RP1: variants seen among roughly 807,000 people sequenced by gnomAD.
The protein encoded by RP1 is oxygen-regulated protein 1.
Under a neutral mutation model 14.8 loss-of-function variants are expected in RP1, and 16 were observed. The ratio of observed to expected loss-of-function variants is 1.08; its 90% confidence interval spans 0.73 to 1.65. The LOEUF (loss-of-function observed/expected upper bound fraction) is 1.65, where lower values mean the gene tolerates loss of function less well. Among genes scored for constraint, RP1 ranks in the 40% most tolerant of loss-of-function variants. The pLI, the probability that RP1 is intolerant of heterozygous loss-of-function variation, is 0.00. For synonymous variants in RP1, 876 were observed against 883.6 expected, an observed-to-expected ratio of 0.99 and a Z score of 0.15; for missense variants, 2,631 against 2,535.0, an observed-to-expected ratio of 1.04 and a Z score of -0.81.
chr8:54,686,128 A>C (rs1807558057), intron 12 of RP1, among the ~76,000 whole-genome samples: 1 of 152,340 alleles, frequency 6.6e-6, no homozygotes, highest in East Asian at 1.9e-4. Context: ...TAAAAAAGGC[A>C]GGTGGAGGAT....
chr8:54,848,946 T>G (rs899526586), intron 25 of RP1, among the ~76,000 whole-genome samples: 6 of 152,072 alleles, frequency 3.9e-5, no homozygotes, highest in African/African-American at 1.2e-4. Flanking sequence ...ATGGGGTTTC[T>G]CCACATTGGC....
At chr8:54,747,242 T>G (rs1395681217) in intron 19 of RP1, among the ~76,000 whole-genome samples, 1 of 152,150 alleles carries the variant, frequency 6.6e-6, no homozygotes, top group African/African-American at 2.4e-5. Flanking sequence ...AGTCAGATCA[T>G]GTCCCCTCAT....
chr8:54,755,517 C>A, intron 20 of RP1: 1 of 1,141,114 alleles, frequency 8.8e-7, no homozygotes. Context: ...ATATGTTTTT[C>A]TTTTTTTACT....
chr8:54,725,519 C>A (rs539758829), intron 16 of RP1, among the ~76,000 whole-genome samples: 30 of 152,170 alleles, frequency 2.0e-4, no homozygotes, highest in African/African-American at 7.2e-4. Context: ...TGATAAGTGT[C>A]GCTAATTTCT....
chr8:54,851,137 CTTCTGGG>C (rs1250341168), intron 25 of RP1, among the ~76,000 whole-genome samples: 1 of 152,092 alleles, frequency 6.6e-6, no homozygotes, highest in African/African-American at 2.4e-5. Flanking sequence ...ATTGGAGCAG[CTTCTGGG>C]GACACTGTGT....
At position 54,743,639 on chromosome 8, in the gene RP1, A is replaced by G. The variant is rs76961556; in HGVS notation, c.2808+4610A>G. On this transcript the variant is annotated intron_variant, in intron 19 of 22. Coordinates refer to the RP1 transcript ENST00000636932. ...CTGTAAGCCCCTATATTTTTTTCAC[A>G]TGTCACTGTCCGTTCTACGAGGACT... 1.7e-4 allele frequency among the ~76,000 whole-genome samples: 26 copies of G among 152,054 alleles called. 1 individual carries two copies. The East Asian group carries it at 5.0e-3, about 29-fold the overall frequency.
intron 27 of RP1, among the ~76,000 whole-genome samples, chr8:54,862,504 T>C (rs1170283413): frequency 6.6e-6 from 1 of 152,112 alleles, no homozygotes; most frequent in East Asian, 1.9e-4. Flanking sequence ...ATATTTAGGG[T>C]AAAGGTAAAG....
chr8:54,748,392 A>G (rs1809279737), intron 19 of RP1, among the ~76,000 whole-genome samples: 1 of 152,172 alleles, frequency 6.6e-6, no homozygotes, highest in African/African-American at 2.4e-5. Flanking sequence ...GTTTAATCTC[A>G]AAAGACTCCA....
chr8:54,580,238 G>A (rs563049095), intron 1 of RP1, among the ~76,000 whole-genome samples: 6 of 148,536 alleles, frequency 4.0e-5, no homozygotes, highest in Admixed American at 6.6e-5. Context: ...ATAACTGGTA[G>A]CATTTATTAT....
intron 24 of RP1, among the ~76,000 whole-genome samples, chr8:54,816,299 G>C (rs887130742): frequency 2.0e-5 from 3 of 152,118 alleles, no homozygotes; most frequent in African/African-American, 7.2e-5. Flanking sequence ...TTCCAAAAAG[G>C]TCTCTGTAAG....
chr8:54,840,470 C>T (rs1215360452), intron 25 of RP1, among the ~76,000 whole-genome samples: 1 of 151,862 alleles, frequency 6.6e-6, no homozygotes, highest in Non-Finnish European at 1.5e-5. Context: ...CCAGGCTGGT[C>T]TCGAACTCCT....
At chr8:54,738,359 G>A (rs887629879) in intron 18 of RP1, among the ~76,000 whole-genome samples, 3 of 152,098 alleles carry the variant, frequency 2.0e-5, no homozygotes, top group African/African-American at 7.2e-5. Context: ...ATGCTACCTG[G>A]ATTAACAAAT....
At chr8:54,699,487 A>C in exon 13 of RP1, 1 of 1,380,992 alleles carries the variant, frequency 7.2e-7, no homozygotes, top group Non-Finnish European at 9.5e-7. Flanking sequence ...TGTTATTTTC[A>C]ACAAAAGAAA....
intron 24 of RP1, among the ~76,000 whole-genome samples, chr8:54,830,780 T>C (rs1415557661): frequency 6.6e-6 from 1 of 152,162 alleles, no homozygotes; most frequent in South Asian, 2.1e-4. Flanking sequence ...GTTCATGTTA[T>C]GCAGCCACTA....
chr8:54,685,717 G>A (rs1483471824), intron 12 of RP1, among the ~76,000 whole-genome samples: 1 of 151,994 alleles, frequency 6.6e-6, no homozygotes, highest in Admixed American at 6.6e-5. Flanking sequence ...TGTATTTCAT[G>A]TGTGGCCCAA....
At chr8:54,857,034 A>T in exon 27 of RP1, 1 of 1,162,210 alleles carries the variant, frequency 8.6e-7, no homozygotes, top group Non-Finnish European at 1.1e-6. Context: ...ACAGGTTGAT[A>T]TTTTTTCCAT....
intron 6 of RP1, among the ~76,000 whole-genome samples, chr8:54,656,776 G>A (rs1047446933): frequency 1.7e-4 from 25 of 149,856 alleles, no homozygotes; most frequent in African/African-American, 6.2e-4. Context: ...TTGCTCTTGG[G>A]TCTGCTGGCC....
chr8:54,626,378 T>A lies in RP1; in HGVS notation c.2496T>A (p.Asp832Glu). The A allele has an allele frequency of 6.2e-7, 1 of 1,613,554 alleles. No homozygotes were observed. Among genetic ancestry groups the A allele is most frequent in the Non-Finnish European group, 8.5e-7 (1 of 1,179,858 alleles). ...VFNILEQKPK[D>E]FYAPQSQAEV... is the part of the protein sequence containing the mutation. The stretch of plus-strand genomic sequence containing the variant: ...ACATCCTTGAGCAAAAACCCAAAGA[T>A]TTTTATGCACCGCAATCTCAAGCAG... Residue 832 changes from aspartate (D) to glutamate (E), a missense_variant, in exon 4 of 4, where the codon GAT becomes GAA. Physicochemically the swap from Asp to Glu is conservative, Grantham distance 45. Coordinates refer to ENST00000220676, the MANE Select transcript of RP1 (RefSeq NM_006269.2).
chr8:54,764,943 T>C (rs535327621), intron 22 of RP1, among the ~76,000 whole-genome samples: 1 of 150,466 alleles, frequency 6.6e-6, no homozygotes, highest in South Asian at 2.1e-4. Flanking sequence ...CCTACTGGTA[T>C]AGATTTTTAA....
Sources: gnomAD v4.1 joint callset for allele counts (sites outside exome capture counted in the v4.1 genomes callset) on GRCh38, gnomAD v4.1.1 for gene constraint, MANE v1.5 for transcripts, NCBI Gene and HGNC (gene_info 2026-07-23, HGNC 2026-07-21) for gene names.